HDAC9: variants seen among roughly 807,000 people sequenced by gnomAD.
HDAC9 encodes histone deacetylase 9.
HDAC9 carries 41 observed loss-of-function variants against 139.4 expected under a neutral mutation model. The observed-to-expected ratio is 0.29, with a 90% confidence interval of 0.23 to 0.38. The LOEUF is 0.38. HDAC9 is among the 10% of genes least tolerant of loss of function. The pLI is 1.00. For missense variants in HDAC9, 1,147 were observed against 1,297.0 expected (o/e 0.88, Z 1.78); for synonymous variants, 517 against 476.2 (o/e 1.09, Z -1.12).
chr7:18,844,203 C>T (rs1325891209), intron 21 of HDAC9, among the ~76,000 whole-genome samples: 4 of 152,162 alleles, frequency 2.6e-5, no homozygotes, highest in Admixed American at 2.6e-4. Context: ...CTTGTGGGCA[C>T]TGCAGTACTG....
rs67690215 is a variant in HDAC9, at chr7:18,157,804, T to TGAGAGAGAGAGAGAGA, written c.-96-4392_-96-4377dup. Among the ~76,000 whole-genome samples the TGAGAGAGAGAGAGAGA allele has an allele frequency of 2.8e-4, 31 of 109,528 alleles. 2 individuals are homozygous for TGAGAGAGAGAGAGAGA. Among genetic ancestry groups the TGAGAGAGAGAGAGAGA allele is most frequent in the Middle Eastern group, 4.5e-3 (1 of 224 alleles). 71.9% of individuals were successfully genotyped at this position (109,528 alleles called of 152,430 possible). A position where few individuals can be genotyped will look rare whatever the true frequency, so the allele number is the denominator to read the frequency against. The stretch of plus-strand genomic sequence containing the variant: ...CAGCAGAATTTCAGGTTCTAAGGCA[T>TGAGAGAGAGAGAGAGA]GAGAGAGAGAGAGAGAGAGAGAGAG... On this transcript the variant is annotated intron_variant, in intron 1 of 12. Coordinates refer to the HDAC9 transcript ENST00000417496.
At chr7:18,973,841 G>A (rs961571754) in intron 24 of HDAC9, among the ~76,000 whole-genome samples, 13 of 152,166 alleles carry the variant, frequency 8.5e-5, no homozygotes, top group Non-Finnish European at 1.8e-4. Context: ...GCCAAGATGT[G>A]AAATTGGTCT....
rs561935255 is a variant in HDAC9, at chr7:18,569,189, C to G, written c.23-16092C>G. On this transcript the variant is annotated intron_variant, in intron 2 of 25. Coordinates refer to ENST00000686413, the MANE Select transcript of HDAC9 (RefSeq NM_178425.4). The stretch of plus-strand genomic sequence containing the variant: ...CTATCTCTGTGGCATTCAATTCTGA[C>G]TTTTTAGTGCAAAAGCAGCTATACA... Among the ~76,000 whole-genome samples the G allele has an allele frequency of 9.9e-5, 15 of 152,250 alleles. No homozygotes were observed. The East Asian group carries it at 2.9e-3, about 29-fold the overall frequency.
rs1804047147 is a variant in HDAC9, at chr7:18,924,591, T to G, written c.2804-11218T>G. On this transcript the variant is annotated intron_variant, in intron 22 of 25. Coordinates refer to ENST00000686413, the MANE Select transcript of HDAC9 (RefSeq NM_178425.4). ...GCAATGAGACATGTCCCCATTTTCC[T>G]TAGAAGGCAGCGGTTTTGTTTTTCT... Among the ~76,000 whole-genome samples, 6 of 152,152 alleles carry G rather than the reference T, an allele frequency of 3.9e-5. No individual in the cohort carries two copies. The South Asian group carries it at 1.2e-3, about 32-fold the overall frequency.
intron 1 of HDAC9, among the ~76,000 whole-genome samples, chr7:18,152,085 T>C (rs1786822006): frequency 6.7e-6 from 1 of 150,164 alleles, no homozygotes; most frequent in South Asian, 2.1e-4. Flanking sequence ...CTAATTCCTG[T>C]AGCACTTGTG....
intron 2 of HDAC9, among the ~76,000 whole-genome samples, chr7:18,218,607 C>T (rs1322341079): frequency 6.6e-6 from 1 of 151,984 alleles, no homozygotes; most frequent in African/African-American, 2.4e-5. Flanking sequence ...GAAAGCTATC[C>T]ACCACACACA....
intron 1 of HDAC9, among the ~76,000 whole-genome samples, chr7:18,149,310 A>G (rs1442981209): frequency 1.3e-5 from 2 of 150,548 alleles, no homozygotes; most frequent in Admixed American, 6.6e-5. Flanking sequence ...AGTTAATTAT[A>G]ATATTTAACA....
chr7:18,827,555 C>T (rs1795546877), intron 17 of HDAC9, among the ~76,000 whole-genome samples: 1 of 152,102 alleles, frequency 6.6e-6, no homozygotes, highest in Non-Finnish European at 1.5e-5. Context: ...AATGGCTTCT[C>T]TCTGGGTTCT....
chr7:18,140,913 T>C (rs1372675885), intron 1 of HDAC9, among the ~76,000 whole-genome samples: 1 of 151,956 alleles, frequency 6.6e-6, no homozygotes, highest in African/African-American at 2.4e-5. Flanking sequence ...TTAAAGTTTT[T>C]TTTTTTTTTT....
chr7:18,246,868 G>A (rs981888557), intron 2 of HDAC9, among the ~76,000 whole-genome samples: 1 of 152,134 alleles, frequency 6.6e-6, no homozygotes, highest in Non-Finnish European at 1.5e-5. Flanking sequence ...TCAGAACAGG[G>A]TAGCAAGAGT....
intron 2 of HDAC9, among the ~76,000 whole-genome samples, chr7:18,561,567 C>T (rs1210804310): frequency 2.0e-5 from 3 of 152,092 alleles, no homozygotes; most frequent in Non-Finnish European, 4.4e-5. Flanking sequence ...TTAAAAGAAA[C>T]CCCAGACCCA....
chr7:18,990,359 C>CG (rs1403097116), intron 25 of HDAC9, among the ~76,000 whole-genome samples: 1 of 152,166 alleles, frequency 6.6e-6, no homozygotes, highest in East Asian at 1.9e-4. Flanking sequence ...TTAGGCTGCT[C>CG]GTGGGTCAGG....
At chr7:18,349,675 T>G (rs543011624) in intron 1 of HDAC9, among the ~76,000 whole-genome samples, 1 of 152,204 alleles carries the variant, frequency 6.6e-6, no homozygotes, top group African/African-American at 2.4e-5. Flanking sequence ...ATTGTCTTTG[T>G]TAAGTATACT....
At chr7:18,723,029 C>A (rs1178121) in intron 12 of HDAC9, among the ~76,000 whole-genome samples, 46,590 of 151,954 alleles carry the variant, frequency 0.31, 8,191 homozygotes, top group African/African-American at 0.48. Context: ...AATCACTGGA[C>A]CTTTTCTCAC....
chr7:18,565,623 G>A (rs1756765479), intron 2 of HDAC9, among the ~76,000 whole-genome samples: 8 of 151,938 alleles, frequency 5.3e-5, no homozygotes, highest in Admixed American at 5.3e-4. Context: ...GGACAGTGTA[G>A]GGTACTTCTG....
intron 2 of HDAC9, among the ~76,000 whole-genome samples, chr7:18,181,512 A>G (rs1789426280): frequency 6.6e-6 from 1 of 152,216 alleles, no homozygotes; most frequent in Admixed American, 6.5e-5. Context: ...CAGTAACTAC[A>G]AGGATTATGT....
At chr7:18,554,976 G>A (rs1176969031) in intron 2 of HDAC9, among the ~76,000 whole-genome samples, 1 of 152,168 alleles carries the variant, frequency 6.6e-6, no homozygotes, top group Non-Finnish European at 1.5e-5. Context: ...TAAATTCTAT[G>A]TGTGAAGTGC....
chr7:18,568,431 A>G (rs1416784967), intron 2 of HDAC9, among the ~76,000 whole-genome samples: 2 of 152,222 alleles, frequency 1.3e-5, no homozygotes. Flanking sequence ...TGTGTATTCA[A>G]AGAGAAAGTC....
chr7:18,550,624 C>A (rs1816804146), intron 2 of HDAC9, among the ~76,000 whole-genome samples: 1 of 152,090 alleles, frequency 6.6e-6, no homozygotes, highest in Non-Finnish European at 1.5e-5. Context: ...AATTTTCAAA[C>A]AGGGTAAGGT....
Sources: gnomAD v4.1 joint callset for allele counts (sites outside exome capture counted in the v4.1 genomes callset) on GRCh38, gnomAD v4.1.1 for gene constraint, MANE v1.5 for transcripts, NCBI Gene and HGNC (gene_info 2026-07-23, HGNC 2026-07-21) for gene names.